AGBL4: variants seen among roughly 807,000 people sequenced by gnomAD.
AGBL4 encodes cytosolic carboxypeptidase 6.
In AGBL4, 58 loss-of-function variants were observed where a neutral mutation model predicts 66.4. That is an observed-to-expected ratio of 0.87 (90% CI 0.71 to 1.09). The LOEUF (loss-of-function observed/expected upper bound fraction) is 1.09, where lower values mean the gene tolerates loss of function less well. Ranked by LOEUF, AGBL4 falls within the 50% of genes least tolerant of loss-of-function variation. The pLI, the probability that AGBL4 is intolerant of heterozygous loss-of-function variation, is 0.00. For synonymous variants in AGBL4, 234 were observed against 222.9 expected, an observed-to-expected ratio of 1.05 and a Z score of -0.44; for missense variants, 579 against 631.0, an observed-to-expected ratio of 0.92 and a Z score of 0.88.
At chr1:50,001,532 T>C (rs1027497609) in intron 1 of AGBL4, among the ~76,000 whole-genome samples, 1 of 151,646 alleles carries the variant, frequency 6.6e-6, no homozygotes, top group Non-Finnish European at 1.5e-5. Flanking sequence ...TATGAATGTA[T>C]ATATAAACAT....
At chr1:49,979,136 C>T (rs1658838987) in intron 1 of AGBL4, among the ~76,000 whole-genome samples, 3 of 152,146 alleles carry the variant, frequency 2.0e-5, no homozygotes, top group South Asian at 2.1e-4. Context: ...AAAATACATA[C>T]AAATTTGTTA....
chr1:48,590,514 C>T (rs921927943), intron 10 of AGBL4, among the ~76,000 whole-genome samples: 3 of 152,000 alleles, frequency 2.0e-5, no homozygotes, highest in African/African-American at 7.3e-5. Flanking sequence ...CATGATCATA[C>T]CACTGCACCC....
chr1:49,712,698 G>C (rs983697027), intron 2 of AGBL4, among the ~76,000 whole-genome samples: 2 of 151,794 alleles, frequency 1.3e-5, no homozygotes, highest in Non-Finnish European at 2.9e-5. Flanking sequence ...AAAAAAGAAA[G>C]CTGTACATCT....
chr1:48,875,733 C>T (rs754020745), intron 5 of AGBL4, among the ~76,000 whole-genome samples: 4 of 152,182 alleles, frequency 2.6e-5, no homozygotes, highest in Non-Finnish European at 5.9e-5. Flanking sequence ...GAATTAATAG[C>T]TGCTGTGGCT....
chr1:49,250,045 T>C (rs1651924927), intron 3 of AGBL4, among the ~76,000 whole-genome samples: 1 of 152,132 alleles, frequency 6.6e-6, no homozygotes, highest in South Asian at 2.1e-4. Context: ...AGGTAGAGAA[T>C]AGAATGCTGA....
At chr1:48,846,417 G>T (rs146471551) in intron 6 of AGBL4, among the ~76,000 whole-genome samples, 3,252 of 142,202 alleles carry the variant, frequency 0.023, 54 homozygotes, top group African/African-American at 0.039. Context: ...AAGAAAGAAA[G>T]AAAGAAATTC....
chr1:48,916,689 C>T (rs1301716429), intron 5 of AGBL4, among the ~76,000 whole-genome samples: 1 of 152,162 alleles, frequency 6.6e-6, no homozygotes, highest in Non-Finnish European at 1.5e-5. Flanking sequence ...CATATCAGGG[C>T]ATTTGTGACA....
intron 3 of AGBL4, among the ~76,000 whole-genome samples, chr1:49,549,933 T>C (rs1652819593): frequency 6.6e-6 from 1 of 152,148 alleles, no homozygotes. Flanking sequence ...CTTAGGTCTA[T>C]TAGTAATTGT....
chr1:49,601,423 G>A (rs555003876), intron 3 of AGBL4, among the ~76,000 whole-genome samples: 1 of 151,366 alleles, frequency 6.6e-6, no homozygotes, highest in African/African-American at 2.4e-5. Context: ...GATAGATTTG[G>A]CTATTCATCC....
chr1:49,920,243 T>A (rs548250900), intron 1 of AGBL4, among the ~76,000 whole-genome samples: 1 of 152,180 alleles, frequency 6.6e-6, no homozygotes, highest in South Asian at 2.1e-4. Context: ...ACAAATGGGA[T>A]CTAATTAAAC....
intron 2 of AGBL4, among the ~76,000 whole-genome samples, chr1:49,850,265 A>T (rs1168042332): frequency 6.6e-6 from 1 of 152,188 alleles, no homozygotes; most frequent in Non-Finnish European, 1.5e-5. Context: ...GGCAGAGATT[A>T]GAGTGATGCT....
intron 4 of AGBL4, among the ~76,000 whole-genome samples, chr1:49,218,087 T>C (rs61783582): frequency 0.18 from 27,853 of 152,064 alleles, 3,192 homozygotes; most frequent in East Asian, 0.41. Flanking sequence ...ACTATTTACA[T>C]GTATTTTCAT....
At chr1:49,327,436 A>C (rs1177458618) in intron 3 of AGBL4, among the ~76,000 whole-genome samples, 1 of 152,216 alleles carries the variant, frequency 6.6e-6, no homozygotes, top group African/African-American at 2.4e-5. Flanking sequence ...TGTCATACCA[A>C]AATCAGAGAC....
At chr1:49,763,067 TGA>T (rs1012516839) in intron 2 of AGBL4, among the ~76,000 whole-genome samples, 2 of 152,238 alleles carry the variant, frequency 1.3e-5, no homozygotes, top group African/African-American at 4.8e-5. Flanking sequence ...TTGTATATGA[TGA>T]GAGTTAGGAG....
chr1:49,056,457 G>A (rs1286980851), intron 4 of AGBL4, among the ~76,000 whole-genome samples: 1 of 152,124 alleles, frequency 6.6e-6, no homozygotes, highest in Non-Finnish European at 1.5e-5. Flanking sequence ...AACTCAAAGT[G>A]AGGAAATAAA....
chr1:49,823,974 G>A (rs933916658), intron 2 of AGBL4, among the ~76,000 whole-genome samples: 4 of 152,100 alleles, frequency 2.6e-5, no homozygotes, highest in Admixed American at 2.6e-4. Flanking sequence ...ACTTTGGGAG[G>A]TCGAGTTGGG....
At chr1:49,247,609 T>C (rs1356928710) in intron 3 of AGBL4, among the ~76,000 whole-genome samples, 1 of 152,094 alleles carries the variant, frequency 6.6e-6, no homozygotes, top group Non-Finnish European at 1.5e-5. Context: ...ATTCCAGTTG[T>C]CAGATCCATT....
intron 5 of AGBL4, among the ~76,000 whole-genome samples, chr1:49,030,950 G>C (rs1243449562): frequency 6.6e-6 from 1 of 151,990 alleles, no homozygotes; most frequent in African/African-American, 2.4e-5. Flanking sequence ...AGTGTGAATG[G>C]AGAAAGGGAA....
chr1:49,757,011 A>G (rs1285664208), intron 2 of AGBL4, among the ~76,000 whole-genome samples: 1 of 152,142 alleles, frequency 6.6e-6, no homozygotes, highest in East Asian at 1.9e-4. Flanking sequence ...TTGAATTGTA[A>G]TCTGAATGAT....
Sources: gnomAD v4.1 joint callset for allele counts (sites outside exome capture counted in the v4.1 genomes callset) on GRCh38, gnomAD v4.1.1 for gene constraint, MANE v1.5 for transcripts, NCBI Gene and HGNC (gene_info 2026-07-23, HGNC 2026-07-21) for gene names.